Variants in STK17A observed in about 807,000 individuals in gnomAD.
STK17A encodes the protein serine/threonine kinase 17a.
STK17A carries 26 observed loss-of-function variants against 43.7 expected under a neutral mutation model. The ratio of observed to expected loss-of-function variants is 0.60; its 90% CI spans 0.44 to 0.83. STK17A has a LOEUF of 0.83. STK17A is among the 40% of genes least tolerant of loss of function. The pLI is 0.00. For missense variants in STK17A, 476 were observed against 511.6 expected, an observed-to-expected ratio of 0.93 and a Z score of 0.67; for synonymous variants, 191 against 182.5, an observed-to-expected ratio of 1.05 and a Z score of -0.38.
Position 43,606,916 on chromosome 7 carries a change from C to CTTTTTTTT in STK17A, c.420-1323_420-1316dup, listed in dbSNP as rs71011933. Among the ~76,000 whole-genome samples the CTTTTTTTT allele has an allele frequency of 7.8e-3, 487 of 62,560 alleles. 18 individuals are homozygous for CTTTTTTTT. The highest frequency in any genetic ancestry group is 1.0e-2 in the Admixed American group (46 of 4,610). The allele number at this position is 62,560 out of a possible 152,430, so 41.0% of individuals were successfully genotyped here. On this transcript the variant is annotated intron_variant, in intron 2 of 6. Coordinates refer to ENST00000319357, the MANE Select transcript of STK17A (RefSeq NM_004760.3). The stretch of plus-strand genomic sequence containing the variant: ...TCACTCAATCTAGCTTTTCGATTTT[C>CTTTTTTTT]TTTTTTTTTTTTTTTTTTTTTTTTG...
At chr7:43,594,505 A>G (rs2082501700) in intron 1 of STK17A, among the ~76,000 whole-genome samples, 1 of 152,150 alleles carries the variant, frequency 6.6e-6, no homozygotes, top group Non-Finnish European at 1.5e-5. Flanking sequence ...AGTGGAAAAG[A>G]TTACCTCACA....
intron 5 of STK17A, 23 bp downstream of exon 5, chr7:43,623,643 T>G (rs778365281): frequency 6.2e-7 from 1 of 1,607,846 alleles, no homozygotes; most frequent in Non-Finnish European, 8.5e-7. Flanking sequence ...AATGAAAAAT[T>G]GATCAAATTA....
At chr7:43,617,011 A>C (rs2152997781) in intron 3 of STK17A, among the ~76,000 whole-genome samples, 1 of 152,342 alleles carries the variant, frequency 6.6e-6, no homozygotes, top group Admixed American at 6.5e-5. Context: ...CACCAAGTTG[A>C]GACTAGGCAA....
intron 3 of STK17A, among the ~76,000 whole-genome samples, chr7:43,617,413 T>C (rs1046635258): frequency 1.3e-5 from 2 of 152,144 alleles, no homozygotes; most frequent in Non-Finnish European, 2.9e-5. Flanking sequence ...TGGAGAGAAA[T>C]AGGCAAAGTC....
chr7:43,612,141 CGAT>C (rs2082936999), intron 3 of STK17A, among the ~76,000 whole-genome samples: 1 of 152,196 alleles, frequency 6.6e-6, no homozygotes, highest in African/African-American at 2.4e-5. Context: ...GCCTTGATGA[CGAT>C]GACAGGCCTT....
chr7:43,608,143 T>A (rs1391484392), intron 2 of STK17A, 113 bp from the exon 3 acceptor site: 9 of 1,060,292 alleles, frequency 8.5e-6, no homozygotes, highest in African/African-American at 1.6e-5. Flanking sequence ...ATACATTTTT[T>A]AAAAAAGGTA....
At chr7:43,588,534 G>C (rs1399362596) in intron 1 of STK17A, among the ~76,000 whole-genome samples, 1 of 151,494 alleles carries the variant, frequency 6.6e-6, no homozygotes, top group Non-Finnish European at 1.5e-5. Flanking sequence ...ATCCATTCTA[G>C]GTTTTTCCTG....
At chr7:43,607,647 C>CAAAAAAAAA (rs760624386) in intron 2 of STK17A, among the ~76,000 whole-genome samples, 26 of 54,304 alleles carry the variant, frequency 4.8e-4, no homozygotes, top group Non-Finnish European at 7.1e-4. Context: ...GACTCCGTCT[C>CAAAAAAAAA]AAAAAAAAAA....
At chr7:43,594,925 A>G (rs2082504923) in intron 1 of STK17A, among the ~76,000 whole-genome samples, 1 of 151,734 alleles carries the variant, frequency 6.6e-6, no homozygotes, top group South Asian at 2.1e-4. Flanking sequence ...TGAAACTAAA[A>G]GAGGTTAAAT....
intron 3 of STK17A, among the ~76,000 whole-genome samples, chr7:43,613,861 A>C (rs2083097700): frequency 6.6e-6 from 1 of 152,126 alleles, no homozygotes; most frequent in Non-Finnish European, 1.5e-5. Flanking sequence ...TTTTATTAAA[A>C]CATTAATTTC....
chr7:43,596,178 T>C, intron 2 of STK17A, 65 bp downstream of exon 2: 1 of 1,433,760 alleles, frequency 7.0e-7, no homozygotes, highest in Non-Finnish European at 9.5e-7. Context: ...GGAATGCCAC[T>C]CATCTGTGAT....
At chr7:43,622,361 A>G (rs1298861838) in intron 4 of STK17A, 3 of 152,068 alleles carry the variant, frequency 2.0e-5, no homozygotes, top group Non-Finnish European at 2.9e-5. Flanking sequence ...CATTTATTCT[A>G]TGGGGGTTTG....
intron 2 of STK17A, among the ~76,000 whole-genome samples, chr7:43,602,086 T>G (rs1236257556): frequency 6.6e-6 from 1 of 152,214 alleles, no homozygotes; most frequent in Non-Finnish European, 1.5e-5. Context: ...TTCCCTGCTG[T>G]TCAATGGAAG....
At chr7:43,622,561 ATCTT>A (rs1375817385) in intron 4 of STK17A, 5 of 146,886 alleles carry the variant, frequency 3.4e-5, no homozygotes, top group South Asian at 2.1e-4. Flanking sequence ...GAAAAAAAAA[ATCTT>A]TAGTTAAGTG....
intron 3 of STK17A, among the ~76,000 whole-genome samples, chr7:43,613,597 C>T (rs548036132): frequency 4.6e-5 from 7 of 152,066 alleles, no homozygotes; most frequent in Non-Finnish European, 7.4e-5. Context: ...AATCCCAGCA[C>T]TTTGGGAGGC....
chr7:43,621,131 A>T (rs1029967048), intron 4 of STK17A, among the ~76,000 whole-genome samples: 2 of 152,254 alleles, frequency 1.3e-5, no homozygotes, highest in African/African-American at 4.8e-5. Flanking sequence ...TGGCAATGAT[A>T]GTTCAAAAAA....
At chr7:43,587,417 T>C (rs1266470484) in intron 1 of STK17A, among the ~76,000 whole-genome samples, 1 of 151,374 alleles carries the variant, frequency 6.6e-6, no homozygotes, top group African/African-American at 2.4e-5. Flanking sequence ...ATAGTTAAGT[T>C]CCCACTGGGG....
chr7:43,625,026 G>T lies in STK17A; in HGVS notation c.*184G>T, dbSNP rs699509. ...AGATTTTAAAAGTTGCCAACCAGGA[G>T]ATTTAACAGGTACAGTTACCCGTTT... On this transcript the variant is annotated 3_prime_UTR_variant, in exon 7 of 7. Transcript: ENST00000319357. 257,529 of 504,250 alleles carry T rather than the reference G, an allele frequency of 0.51. 69,283 individuals carry two copies. Among genetic ancestry groups the T allele is most frequent in the African/African-American group, 0.8 (40,629 of 50,930 alleles). The allele number at this position is 504,250 out of a possible 1,614,324, so 31.2% of individuals were successfully genotyped here.
At position 43,624,979 on chromosome 7, in the gene STK17A, T is replaced by C; in HGVS notation, c.*137T>C. On this transcript the variant is annotated 3_prime_UTR_variant, in exon 7 of 7. Transcript: ENST00000319357. ...CACAAACAAAAATAACTTTGTCAAA[T>C]TTGTGGAGTTAGGTGGAAGCCAGAT... 1.2e-6 allele frequency: 1 copy of C among 832,170 alleles called. No individual in the cohort carries two copies. Among genetic ancestry groups the C allele is most frequent in the Non-Finnish European group, 1.7e-6 (1 of 573,726 alleles). The allele number at this position is 832,170 out of a possible 1,614,324, so 51.5% of individuals were successfully genotyped here. A position where few individuals can be genotyped will look rare whatever the true frequency, so the allele number is the denominator to read the frequency against.
Sources: gnomAD v4.1 joint callset for allele counts (sites outside exome capture counted in the v4.1 genomes callset) on GRCh38, gnomAD v4.1.1 for gene constraint, MANE v1.5 for transcripts, NCBI Gene and HGNC (gene_info 2026-07-23, HGNC 2026-07-21) for gene names.